ABCC10: variants seen among roughly 807,000 people sequenced by gnomAD.
The protein encoded by ABCC10 is ATP binding cassette subfamily C member 10, also known as ATP-binding cassette sub-family C member 10.
Under a neutral mutation model 143.2 loss-of-function variants are expected in ABCC10, and 110 were observed. The observed-to-expected ratio is 0.77, with a 90% confidence interval of 0.66 to 0.90. The LOEUF is 0.90. Ranked by LOEUF, ABCC10 falls within the 40% of genes least tolerant of loss-of-function variation. The pLI is 0.00. For synonymous variants in ABCC10, 805 were observed against 846.7 expected (o/e 0.95, Z 0.85); for missense variants, 1,700 against 1,900.5 (o/e 0.89, Z 1.96).
chr6:43,444,733 G>C (rs1782846007), intron 12 of ABCC10, 55 bp from the exon 13 acceptor site: 1 of 1,526,056 alleles, frequency 6.6e-7, no homozygotes, highest in African/African-American at 1.4e-5. Flanking sequence ...CATTGGAATA[G>C]AATGAACAAG....
In ABCC10 at chr6:43,445,790, G is replaced by T; in HGVS notation, c.3222G>T (p.Leu1074Phe). ...LPWLLLLLPP[L>F]SIMYYHVQRH... is the part of the protein sequence containing the mutation. The stretch of plus-strand genomic sequence containing the variant: ...GGCTGCTGCTCCTGCTGCCGCCTTT[G>T]AGCATCATGTACTATCACGTGCAGC... The change falls in exon 15 of 22, where the codon TTG becomes TTT. Residue 1074 changes from leucine (L) to phenylalanine (F), a missense_variant. By Grantham distance (22) the Leu-to-Phe change is conservative. Coordinates refer to ENST00000372530, the MANE Select transcript of ABCC10 (RefSeq NM_001198934.2). 6.2e-7 allele frequency: 1 copy of T among 1,614,102 alleles called. No individual in the cohort carries two copies. The highest frequency in any genetic ancestry group is 1.1e-5 in the South Asian group (1 of 91,080).
At chr6:43,441,082 G>A (rs1231911807) in intron 8 of ABCC10, among the ~76,000 whole-genome samples, 6 of 151,102 alleles carry the variant, frequency 4.0e-5, no homozygotes, top group Admixed American at 6.6e-5. Context: ...CAGCCTGGGC[G>A]ACAGAGCAAG....
In ABCC10 at chr6:43,427,571, A is replaced by C. The variant is rs1310334508; in HGVS notation, c.-198A>C. Reference sequence around the variant, plus strand: ...ATGGGCGTGGCGAATAGCGCCGGCTAGGTCTTCCAACCTCTAGGTGGGGTG... The same window carrying C: ...ATGGGCGTGGCGAATAGCGCCGGCTCGGTCTTCCAACCTCTAGGTGGGGTG... On this transcript the variant is annotated 5_prime_UTR_variant, in exon 1 of 22. An upstream open reading frame in the 5' UTR loses its in-frame stop. Coordinates refer to ENST00000372530, the MANE Select transcript of ABCC10 (RefSeq NM_001198934.2). The C allele has an allele frequency of 1.7e-5, 5 of 297,876 alleles. No individual in the cohort carries two copies. The highest frequency in any genetic ancestry group is 2.6e-5 in the Non-Finnish European group (4 of 153,448). The allele number at this position is 297,876 out of a possible 1,614,324, so 18.5% of individuals were successfully genotyped here.
rs535032639 is a variant in ABCC10 at position 43,445,921 on chromosome 6, G to C, written c.3353G>C (p.Arg1118Pro). The change falls in exon 15 of 22, where the codon CGG (arginine) becomes CCG (proline). Residue 1118 changes from arginine (R) to proline (P), a missense_variant. Transcript: ENST00000372530. Reference protein sequence around the residue: ...ADTLAGLSVLRATGATYRFEE... With the variant: ...ADTLAGLSVLPATGATYRFEE... Reference sequence around the variant, plus strand: ...ACCTTGGCTGGCCTCTCTGTGCTCCGGGCCACAGGGGCCACCTACAGGTGT... The same window carrying C: ...ACCTTGGCTGGCCTCTCTGTGCTCCCGGCCACAGGGGCCACCTACAGGTGT... 6.2e-7 allele frequency: 1 copy of C among 1,612,374 alleles called. No homozygotes were observed. Among genetic ancestry groups the C allele is most frequent in the African/African-American group, 1.3e-5 (1 of 75,014 alleles).
intron 4 of ABCC10, 169 bp downstream of exon 4, chr6:43,435,017 ACCCT>A: frequency 3.1e-6 from 2 of 643,488 alleles, no homozygotes; most frequent in Non-Finnish European, 5.3e-6. Flanking sequence ...TGGATATATA[ACCCT>A]CCCCTCTGTG....
Position 43,432,414 on chromosome 6 carries a change from C to T in ABCC10, c.434C>T (p.Pro145Leu), listed in dbSNP as rs1205456883. 6.2e-7 allele frequency: 1 copy of T among 1,611,942 alleles called. No individual in the cohort carries two copies. Among genetic ancestry groups the T allele is most frequent in the Non-Finnish European group, 8.5e-7 (1 of 1,180,030 alleles). Residue 145 changes from proline (P) to leucine (L), a missense_variant, in exon 3 of 22, where the codon CCA becomes CTA. Physicochemically the swap from Pro to Leu is moderately conservative, Grantham distance 98. Transcript: ENST00000372530. ...ALALVALLPA[P>L]ALVLTVLWHC... ...GCCCTGGTAGCCTTGCTGCCAGCTC[C>T]AGCCCTAGTGCTGACCGTGTTGTGG...
At chr6:43,434,475 A>G in intron 3 of ABCC10, 146 bp from the exon 4 acceptor site, 1 of 740,154 alleles carries the variant, frequency 1.4e-6, no homozygotes, top group Non-Finnish European at 2.2e-6. Context: ...TACTGAGGTG[A>G]GGAAGAAAAC....
In ABCC10 at chr6:43,449,246, GGCTGGGGGCCGGGA is replaced by G. The variant is rs754648011; in HGVS notation, c.4203+44_4203+57del. ...AGACATTAGAGAGGGCCAGGAAGAA[GGCTGGGGGCCGGGA>G]GGTGGGGAGGTAGAGTGGGGAGAGG... is the stretch of plus-strand genomic sequence containing the variant. On this transcript the variant is annotated intron_variant, in intron 20 of 21. Transcript: ENST00000372530. The G allele has an allele frequency of 9.4e-6, 15 of 1,603,910 alleles. No homozygotes were observed. In the Admixed American group the frequency reaches 1.9e-4, roughly 20 times the overall value.
Position 43,443,353 on chromosome 6 carries a change from T to C in ABCC10, c.2416+194T>C, listed in dbSNP as rs1000144165. ...GTACGTTGGTAAAATGCCAGTGTAT[T>C]TGGGACTCATGGGCTTTGTGACTGG... On this transcript the variant is annotated intron_variant, in intron 10 of 21. Transcript: ENST00000372530. This position sits in a 1 kb window ranked among gnomAD's most constrained non-coding sequence, Gnocchi z 4.2. The C allele has an allele frequency of 1.7e-4, 96 of 565,348 alleles. 1 individual carries two copies. Among genetic ancestry groups the C allele is most frequent in the Non-Finnish European group, 3.8e-5 (13 of 339,266 alleles). The allele number at this position is 565,348 out of a possible 1,614,324, so 35.0% of individuals were successfully genotyped here.
chr6:43,429,264 C>A (rs1045468228), intron 2 of ABCC10, among the ~76,000 whole-genome samples: 10 of 152,188 alleles, frequency 6.6e-5, no homozygotes, highest in African/African-American at 2.4e-4. Context: ...CAACTTGGGG[C>A]CAGTTTATGC....
Position 43,432,362 on chromosome 6 carries a change from G to T in ABCC10, c.382G>T (p.Gly128Cys), listed in dbSNP as rs1383500969. 5 of 1,613,360 alleles carry T rather than the reference G, an allele frequency of 3.1e-6. No individual in the cohort carries two copies. The African/African-American group carries it at 4.0e-5, about 13-fold the overall frequency. ...GTGGGTGTTGGCACATTCCCCTCAT[G>T]GCCACTCCCGGGGTCCCTTGGCCTT... Reference protein sequence around the residue: ...ALWVLAHSPHGHSRGPLALAL... With the variant: ...ALWVLAHSPHCHSRGPLALAL... The change falls in exon 3 of 22, where the codon GGC becomes TGC. Residue 128 changes from glycine (G) to cysteine (C), a missense_variant. Transcript: ENST00000372530.
intron 8 of ABCC10, among the ~76,000 whole-genome samples, chr6:43,440,103 T>G (rs1782212106): frequency 6.6e-6 from 1 of 152,022 alleles, no homozygotes; most frequent in Non-Finnish European, 1.5e-5. Flanking sequence ...ACTACAGGTG[T>G]AAGCTGCCAC....
chr6:43,434,551 G>A, intron 3 of ABCC10, 70 bp from the exon 4 acceptor site: 1 of 1,424,978 alleles, frequency 7.0e-7, no homozygotes, highest in Non-Finnish European at 9.7e-7. Context: ...GCAGCCTGGG[G>A]AAGGCTTGGC....
At chr6:43,441,511 TAAG>T (rs941635095) in intron 8 of ABCC10, among the ~76,000 whole-genome samples, 10 of 152,108 alleles carry the variant, frequency 6.6e-5, no homozygotes, top group African/African-American at 2.2e-4. Context: ...ACAAAGTAGT[TAAG>T]AATCTGAATC....
At chr6:43,441,159 A>G (rs113086925) in intron 8 of ABCC10, among the ~76,000 whole-genome samples, 3,018 of 152,200 alleles carry the variant, frequency 0.02, 101 homozygotes, top group African/African-American at 0.067. Context: ...TGCCCAAGAT[A>G]CCTTACTACC....
intron 2 of ABCC10, among the ~76,000 whole-genome samples, chr6:43,430,272 C>T (rs1311366131): frequency 6.6e-6 from 1 of 151,518 alleles, no homozygotes; most frequent in Non-Finnish European, 1.5e-5. Context: ...CGTATTTTTA[C>T]TAGAGATGGA....
intron 2 of ABCC10, among the ~76,000 whole-genome samples, chr6:43,429,362 C>G (rs9381241): frequency 9.3e-3 from 206 of 22,048 alleles, no homozygotes; most frequent in Admixed American, 0.012. Context: ...TTCTTTCTTT[C>G]TTTTCTTTCT....
At position 43,448,860 on chromosome 6, in the gene ABCC10, C is replaced by T. The variant is rs778183104; in HGVS notation, c.3960-21C>T. On this transcript the variant is annotated intron_variant, in intron 18 of 21. Transcript: ENST00000372530. ...AGTGGCTACATCTCCAACCACTAGACTCCATGTCATTGTCCCCCAGATCCC... is the reference window on the plus strand; with the variant it reads ...AGTGGCTACATCTCCAACCACTAGATTCCATGTCATTGTCCCCCAGATCCC... 3 of 1,598,618 alleles carry T rather than the reference C, an allele frequency of 1.9e-6. No homozygotes were observed. In the East Asian group the frequency reaches 6.7e-5, roughly 36 times the overall value.
At chr6:43,450,734 G>C, downstream of ABCC10, 2 of 1,614,172 alleles carry the variant, frequency 1.2e-6, no homozygotes, top group Non-Finnish European at 1.7e-6. This position sits in a 1 kb window ranked among gnomAD's most constrained non-coding sequence, Gnocchi z 4.5. Context: ...CCAGAACCAG[G>C]GCAGCAGTGA....
Sources: gnomAD v4.1 joint callset for allele counts (sites outside exome capture counted in the v4.1 genomes callset) on GRCh38, gnomAD v4.1.1 for gene constraint, Gnocchi (gnomAD v3.1) non-coding constraint, MANE v1.5 for transcripts, NCBI Gene and HGNC (gene_info 2026-07-23, HGNC 2026-07-21) for gene names.